CASK: variants seen among roughly 807,000 people sequenced by gnomAD.
The protein encoded by CASK is calcium/calmodulin dependent serine protein kinase.
Under a neutral mutation model 82.9 loss-of-function variants are expected in CASK, and 4 were observed. The ratio of observed to expected loss-of-function variants is 0.05; its 90% CI spans 0.02 to 0.11. The LOEUF is 0.11. Among genes scored for constraint, CASK ranks in the 10% least tolerant of loss-of-function variants. CASK has a pLI of 1.00. For missense variants in CASK, 358 were observed against 720.9 expected, an observed-to-expected ratio of 0.50 and a Z score of 5.76; for synonymous variants, 259 against 253.5, an observed-to-expected ratio of 1.02 and a Z score of -0.20.
intron 2 of CASK, among the ~76,000 whole-genome samples, chrX:41,830,592 G>A (rs1330025745): frequency 4.6e-5 from 5 of 108,601 alleles, no homozygotes; most frequent in East Asian, 2.9e-4. Context: ...AGGCCAAGGT[G>A]GGCGGATCAT....
intron 5 of CASK, among the ~76,000 whole-genome samples, chrX:41,732,506 C>T (rs1336890591): frequency 9.0e-6 from 1 of 110,738 alleles, no homozygotes; most frequent in Non-Finnish European, 1.9e-5. Context: ...AAAGGGAGAA[C>T]AGAGGGAACA....
rs181733992 is a variant in CASK at position 41,876,635 on chromosome X, T to C, written c.60-23408A>G. ...TCACTTATATGAGAAAAATACTGTA[T>C]ATGTACCCACCAAAATGTATAGAAA... On this transcript the variant is annotated intron_variant, in intron 1 of 26. Coordinates refer to ENST00000378163, the MANE Select transcript of CASK (RefSeq NM_001367721.1). Among the ~76,000 whole-genome samples the C allele has an allele frequency of 8.0e-5, 9 of 111,951 alleles. No homozygotes were observed. The East Asian group carries it at 2.5e-3, about 31-fold the overall frequency.
intron 3 of CASK, among the ~76,000 whole-genome samples, chrX:41,773,751 T>A (rs1396015726): frequency 1.8e-5 from 2 of 111,397 alleles, no homozygotes; most frequent in African/African-American, 6.5e-5. Flanking sequence ...TATTTGGGTA[T>A]CTAAACATAG....
intron 11 of CASK, among the ~76,000 whole-genome samples, chrX:41,619,264 G>T (rs1434016222): frequency 3.6e-5 from 4 of 110,034 alleles, no homozygotes; most frequent in African/African-American, 1.3e-4. Context: ...AATTCATTTG[G>T]CAATAAAGTT....
At chrX:41,727,418 C>A in intron 5 of CASK, 1 of 1,211,136 alleles carries the variant, frequency 8.3e-7, no homozygotes, top group Non-Finnish European at 1.1e-6. Flanking sequence ...CAAGAGACTA[C>A]TTCATGCTAT....
At chrX:41,661,193 C>T (rs1302193728) in intron 7 of CASK, among the ~76,000 whole-genome samples, 1 of 111,442 alleles carries the variant, frequency 9.0e-6, no homozygotes, top group Non-Finnish European at 1.9e-5. Context: ...TCAAAAGACA[C>T]AGGACTTATG....
intron 3 of CASK, among the ~76,000 whole-genome samples, chrX:41,770,299 C>CTATCTATCTAT (rs1569441729): frequency 7.6e-4 from 55 of 71,917 alleles, no homozygotes; most frequent in Middle Eastern, 7.1e-3. Flanking sequence ...TATCTATCTA[C>CTATCTATCTAT]CTACCTACCT....
At chrX:41,710,858 T>C (rs2067965861) in intron 5 of CASK, among the ~76,000 whole-genome samples, 1 of 112,114 alleles carries the variant, frequency 8.9e-6, no homozygotes, top group African/African-American at 3.2e-5. Flanking sequence ...GAAGCCTCCA[T>C]AAAACCGCAA....
chrX:41,572,842 T>C (rs917903705), intron 15 of CASK, among the ~76,000 whole-genome samples: 2 of 111,436 alleles, frequency 1.8e-5, no homozygotes, highest in African/African-American at 6.5e-5. Context: ...ATGTCCTAAA[T>C]ATACTGTGGG....
intron 16 of CASK, among the ~76,000 whole-genome samples, chrX:41,566,397 C>A (rs965055910): frequency 5.4e-5 from 6 of 111,789 alleles, no homozygotes; most frequent in Non-Finnish European, 1.1e-4. Flanking sequence ...TCTCAGGATA[C>A]AAAATCAATG....
chrX:41,843,862 A>T (rs1164334882), intron 2 of CASK, among the ~76,000 whole-genome samples: 1 of 111,588 alleles, frequency 9.0e-6, no homozygotes, highest in African/African-American at 3.3e-5. Context: ...TCAGTATGTC[A>T]TTCCTTTTTA....
chrX:41,606,485 T>C (rs2065964909), intron 12 of CASK, among the ~76,000 whole-genome samples: 1 of 111,855 alleles, frequency 8.9e-6, no homozygotes, highest in Admixed American at 9.5e-5. Flanking sequence ...ACTCCTGACC[T>C]CAGGTAATCC....
intron 2 of CASK, among the ~76,000 whole-genome samples, chrX:41,796,125 C>T (rs1026345375): frequency 1.8e-5 from 2 of 112,090 alleles, no homozygotes; most frequent in East Asian, 5.6e-4. Flanking sequence ...TAAGCACTAA[C>T]ACATTCTGCT....
chrX:41,672,234 CCCAAG>C (rs2067205949), intron 5 of CASK, among the ~76,000 whole-genome samples: 1 of 110,997 alleles, frequency 9.0e-6, no homozygotes, highest in Non-Finnish European at 1.9e-5. Flanking sequence ...ACATCCTCTC[CCCAAG>C]GGGTATCCTG....
chrX:41,815,231 G>A (rs901601731), intron 2 of CASK, among the ~76,000 whole-genome samples: 3 of 112,222 alleles, frequency 2.7e-5, no homozygotes, highest in Non-Finnish European at 3.8e-5. Context: ...ACACAGTAGA[G>A]AGACCTCACT....
At chrX:41,579,231 G>GA (rs1420540915) in intron 14 of CASK, among the ~76,000 whole-genome samples, 1 of 111,316 alleles carries the variant, frequency 9.0e-6, no homozygotes, top group African/African-American at 3.3e-5. Context: ...TTTAGAAAAA[G>GA]AAAAAAATAC....
intron 3 of CASK, among the ~76,000 whole-genome samples, chrX:41,752,184 T>C (rs2068806840): frequency 8.9e-6 from 1 of 112,088 alleles, no homozygotes; most frequent in Non-Finnish European, 1.9e-5. Context: ...GTAGTTATGT[T>C]AGAAATAAAT....
chrX:41,613,015 T>G (rs2066122152), intron 11 of CASK, among the ~76,000 whole-genome samples: 2 of 102,110 alleles, frequency 2.0e-5, no homozygotes, highest in Admixed American at 2.0e-4. Flanking sequence ...GGTGGGGGGG[T>G]CAGCCCCCCG....
At chrX:41,588,391 G>C (rs890175314) in intron 13 of CASK, 1 of 111,368 alleles carries the variant, frequency 9.0e-6, no homozygotes, top group Non-Finnish European at 1.9e-5. Context: ...TTGAGCCAAA[G>C]AATTGTCCCC....
Sources: gnomAD v4.1 joint callset for allele counts (sites outside exome capture counted in the v4.1 genomes callset) on GRCh38, gnomAD v4.1.1 for gene constraint, MANE v1.5 for transcripts, NCBI Gene and HGNC (gene_info 2026-07-23, HGNC 2026-07-21) for gene names.